The following XRCC4 variants were observed in gnomAD, a reference collection of about 807,000 sequenced individuals.
XRCC4 encodes the protein DNA repair protein XRCC4.
In XRCC4, 28 loss-of-function variants were observed where a neutral mutation model predicts 39.1. That is an observed-to-expected ratio of 0.72 (90% CI 0.53 to 0.98). The LOEUF (loss-of-function observed/expected upper bound fraction) is 0.98. Ranked by LOEUF, XRCC4 falls within the 50% of genes least tolerant of loss-of-function variation. The pLI, the probability that XRCC4 is intolerant of heterozygous loss-of-function variation, is 0.00. For synonymous variants in XRCC4, 123 were observed against 126.4 expected (o/e 0.97, Z 0.18); for missense variants, 350 against 376.4 (o/e 0.93, Z 0.58).
intron 1 of XRCC4, among the ~76,000 whole-genome samples, chr5:83,103,966 C>A (rs1419234921): frequency 6.6e-6 from 1 of 152,170 alleles, no homozygotes; most frequent in African/African-American, 2.4e-5. Flanking sequence ...GATCTAGGTA[C>A]TACTTACATG....
At chr5:83,260,200 G>A (rs993583951) in intron 7 of XRCC4, among the ~76,000 whole-genome samples, 1 of 152,076 alleles carries the variant, frequency 6.6e-6, no homozygotes, top group African/African-American at 2.4e-5. Flanking sequence ...AAGGCATAGT[G>A]TGATCTCTTT....
At chr5:83,163,368 C>A (rs981719489) in intron 3 of XRCC4, among the ~76,000 whole-genome samples, 1 of 152,136 alleles carries the variant, frequency 6.6e-6, no homozygotes, top group African/African-American at 2.4e-5. Flanking sequence ...TTTAAATTGA[C>A]CCATAGTTGT....
intron 3 of XRCC4, among the ~76,000 whole-genome samples, chr5:83,133,921 G>A (rs1481986995): frequency 6.6e-6 from 1 of 152,204 alleles, no homozygotes; most frequent in Non-Finnish European, 1.5e-5. Context: ...GCTGGAGCTG[G>A]CTCCCTCTGC....
At chr5:83,249,300 T>C (rs1015253878) in intron 6 of XRCC4, among the ~76,000 whole-genome samples, 1 of 152,182 alleles carries the variant, frequency 6.6e-6, no homozygotes, top group Admixed American at 6.5e-5. Flanking sequence ...GATTTTTTCT[T>C]ATTCCTTCTA....
At chr5:83,327,745 G>A (rs80234512) in intron 7 of XRCC4, among the ~76,000 whole-genome samples, 2,860 of 152,136 alleles carry the variant, frequency 0.019, 86 homozygotes, top group African/African-American at 0.065. Context: ...GTGCAAAGAA[G>A]TTTAATAAAA....
chr5:83,353,334 A>G lies in XRCC4; in HGVS notation c.*92A>G. 1 of 982,114 alleles carries G rather than the reference A, an allele frequency of 1.0e-6. No individual in the cohort carries two copies. Among genetic ancestry groups the G allele is most frequent in the Non-Finnish European group, 1.5e-6 (1 of 662,690 alleles). 60.8% of individuals were successfully genotyped at this position (982,114 alleles called of 1,614,324 possible). On this transcript the variant is annotated 3_prime_UTR_variant, in exon 8 of 8. Transcript: ENST00000396027. ...GGAGAATTTCAAGTCAGCAGCCGCT[A>G]TTACCGTATCTTACAATTTAATTAC...
chr5:83,136,955 A>C (rs909840644), intron 3 of XRCC4, among the ~76,000 whole-genome samples: 3 of 152,202 alleles, frequency 2.0e-5, no homozygotes, highest in South Asian at 2.1e-4. Context: ...TCTCTTCACA[A>C]ACACACACAA....
intron 6 of XRCC4, among the ~76,000 whole-genome samples, chr5:83,231,910 G>T (rs1391912345): frequency 1.3e-5 from 2 of 151,966 alleles, no homozygotes; most frequent in Non-Finnish European, 2.9e-5. Context: ...TTTGTCATTT[G>T]TTACAGTTTA....
intron 3 of XRCC4, among the ~76,000 whole-genome samples, chr5:83,136,908 C>T (rs1383392459): frequency 6.6e-6 from 1 of 152,116 alleles, no homozygotes; most frequent in Admixed American, 6.5e-5. Context: ...CAATATTGTA[C>T]TGTATTTGAA....
chr5:83,346,967 C>G (rs564848850), intron 7 of XRCC4, among the ~76,000 whole-genome samples: 1 of 151,894 alleles, frequency 6.6e-6, no homozygotes, highest in Non-Finnish European at 1.5e-5. Flanking sequence ...TACCTCTAAG[C>G]GTGATTTCTT....
intron 6 of XRCC4, among the ~76,000 whole-genome samples, chr5:83,229,411 T>A (rs1375698680): frequency 6.6e-6 from 1 of 151,738 alleles, no homozygotes; most frequent in Non-Finnish European, 1.5e-5. Context: ...CTGCAGCCAG[T>A]AACAGTGACA....
chr5:83,101,002 AT>A (rs1745906985), intron 1 of XRCC4, among the ~76,000 whole-genome samples: 1 of 152,012 alleles, frequency 6.6e-6, no homozygotes, highest in Admixed American at 6.6e-5. Context: ...TTTAAAAATT[AT>A]TTTTTCTGTG....
intron 1 of XRCC4, among the ~76,000 whole-genome samples, chr5:83,100,543 G>T (rs1015095441): frequency 6.6e-6 from 1 of 152,044 alleles, no homozygotes; most frequent in South Asian, 2.1e-4. Flanking sequence ...AATTATAAGT[G>T]CTGTATTTTC....
intron 3 of XRCC4, among the ~76,000 whole-genome samples, chr5:83,118,524 A>G (rs1746849324): frequency 6.6e-6 from 1 of 152,174 alleles, no homozygotes; most frequent in Non-Finnish European, 1.5e-5. Flanking sequence ...TGACTTGTCT[A>G]GTTTTACTAT....
intron 3 of XRCC4, among the ~76,000 whole-genome samples, chr5:83,123,031 T>TATTA (rs28745312): frequency 0.49 from 74,225 of 151,646 alleles, 19,076 homozygotes; most frequent in African/African-American, 0.63. Context: ...GATGTTTGGG[T>TATTA]ATTTTTAGGA....
chr5:83,142,235 T>C (rs1019068794), intron 3 of XRCC4, among the ~76,000 whole-genome samples: 5 of 151,922 alleles, frequency 3.3e-5, no homozygotes, highest in African/African-American at 1.2e-4. Flanking sequence ...TACTCTGCCC[T>C]GTACATGAAA....
chr5:83,121,554 T>C (rs1033756769), intron 3 of XRCC4, among the ~76,000 whole-genome samples: 4 of 152,216 alleles, frequency 2.6e-5, no homozygotes, highest in African/African-American at 9.6e-5. Context: ...ATATATCTTC[T>C]ATAGTGACAT....
intron 6 of XRCC4, among the ~76,000 whole-genome samples, chr5:83,230,043 TTCTG>T (rs528855918): frequency 7.6e-4 from 116 of 152,142 alleles, no homozygotes; most frequent in African/African-American, 2.6e-3. Context: ...CATTTATCTT[TTCTG>T]TCTATTTTAT....
chr5:83,161,325 T>C (rs534319755), intron 3 of XRCC4, among the ~76,000 whole-genome samples: 3 of 152,192 alleles, frequency 2.0e-5, no homozygotes, highest in South Asian at 4.1e-4. Flanking sequence ...AGAGACAGAG[T>C]TTCACCTTGT....
Sources: gnomAD v4.1 joint callset for allele counts (sites outside exome capture counted in the v4.1 genomes callset) on GRCh38, gnomAD v4.1.1 for gene constraint, MANE v1.5 for transcripts, NCBI Gene and HGNC (gene_info 2026-07-23, HGNC 2026-07-21) for gene names.